UBE3C: variants seen among roughly 807,000 people sequenced by gnomAD.
UBE3C encodes ubiquitin-protein ligase E3C.
Under a neutral mutation model 129.4 loss-of-function variants are expected in UBE3C, and 42 were observed. The observed-to-expected ratio is 0.32, with a 90% CI of 0.25 to 0.42. UBE3C has a LOEUF of 0.42. Among genes scored for constraint, UBE3C ranks in the 10% least tolerant of loss-of-function variants. The pLI is 1.00. For missense variants in UBE3C, 1,049 were observed against 1,319.1 expected, an observed-to-expected ratio of 0.80 and a Z score of 3.17; for synonymous variants, 510 against 492.4, an observed-to-expected ratio of 1.04 and a Z score of -0.47.
At chr7:157,244,478 C>T (rs1008302677) in intron 18 of UBE3C, among the ~76,000 whole-genome samples, 4 of 152,120 alleles carry the variant, frequency 2.6e-5, no homozygotes, top group African/African-American at 7.2e-5. Context: ...TCTGCTTGCT[C>T]AGTTAGGATG....
intron 2 of UBE3C, among the ~76,000 whole-genome samples, chr7:157,168,200 A>C (rs1808269515): frequency 6.6e-6 from 1 of 151,824 alleles, no homozygotes; most frequent in Non-Finnish European, 1.5e-5. Context: ...ATATACAAAA[A>C]ATTAGCCAGG....
intron 14 of UBE3C, among the ~76,000 whole-genome samples, chr7:157,219,901 TA>T (rs60291484): frequency 0.13 from 17,704 of 137,416 alleles, 2,595 homozygotes; most frequent in African/African-American, 0.37. Context: ...AGACTCCATC[TA>T]AAAAAAAAAA....
At chr7:157,190,215 C>T (rs971822956) in intron 10 of UBE3C, among the ~76,000 whole-genome samples, 1 of 152,170 alleles carries the variant, frequency 6.6e-6, no homozygotes, top group Non-Finnish European at 1.5e-5. Flanking sequence ...TTCTGGAGCT[C>T]CAGACACAAG....
intron 1 of UBE3C, chr7:157,140,000 A>G (rs1384435483): frequency 2.0e-6 from 2 of 985,320 alleles, no homozygotes; most frequent in Non-Finnish European, 2.4e-6. Flanking sequence ...GTTGTGATCG[A>G]CATTAAGTTG....
intron 10 of UBE3C, chr7:157,197,786 T>C (rs1001331488): frequency 6.2e-7 from 1 of 1,613,226 alleles, no homozygotes; most frequent in Non-Finnish European, 8.5e-7. Context: ...TGAATCTTTG[T>C]ATCAAACGAC....
chr7:157,247,748 C>A (rs1418056717), intron 18 of UBE3C, among the ~76,000 whole-genome samples: 1 of 151,872 alleles, frequency 6.6e-6, no homozygotes, highest in East Asian at 1.9e-4. Context: ...ACATGAAACC[C>A]AAATTTGGAA....
In UBE3C at chr7:157,156,678, A is replaced by T. The variant is rs1008660754; in HGVS notation, c.67-7132A>T. 2.0e-5 allele frequency among the ~76,000 whole-genome samples: 3 copies of T among 150,882 alleles called. No homozygotes were observed. In the East Asian group the frequency reaches 5.8e-4, roughly 29 times the overall value. ...ATCCTGTCAGAGCTGTTCTCTACAT[A>T]CATAATCATATAGGTGTGTAAATTC... On this transcript the variant is annotated intron_variant, in intron 1 of 22. Transcript: ENST00000348165.
Position 157,189,270 on chromosome 7 carries a change from G to T in UBE3C, c.1331+2249G>T, listed in dbSNP as rs537501422. 1.3e-4 allele frequency: 34 copies of T among 270,298 alleles called. No individual in the cohort carries two copies. The East Asian group carries it at 2.0e-3, about 16-fold the overall frequency. The allele number at this position is 270,298 out of a possible 1,614,324, so 16.7% of individuals were successfully genotyped here. A position where few individuals can be genotyped will look rare whatever the true frequency, so the allele number is the denominator to read the frequency against. ...TGAATGACTTAATATTTTAAAATTG[G>T]TTAAGTAATAAATGAATTGCCAGCT... is the stretch of plus-strand genomic sequence containing the variant. On this transcript the variant is annotated intron_variant, in intron 10 of 22. Transcript: ENST00000348165.
At chr7:157,249,753 T>G (rs745762352) in intron 19 of UBE3C, among the ~76,000 whole-genome samples, 4 of 152,366 alleles carry the variant, frequency 2.6e-5, no homozygotes, top group South Asian at 2.1e-4. Flanking sequence ...GTTGTTCCTA[T>G]GTTTGGGCTA....
At position 157,220,708 on chromosome 7, in the gene UBE3C, C is replaced by A; in HGVS notation, c.1934C>A (p.Pro645Gln). 2 of 1,614,136 alleles carry A rather than the reference C, an allele frequency of 1.2e-6. No individual in the cohort carries two copies. Among genetic ancestry groups the A allele is most frequent in the Non-Finnish European group, 1.7e-6 (2 of 1,179,992 alleles). ...CGACAGGTCACTCAGCTCTATGTGCCAGCATCCAGACATGTGTGGAGGTTC... is the reference window on the plus strand; with the variant it reads ...CGACAGGTCACTCAGCTCTATGTGCAAGCATCCAGACATGTGTGGAGGTTC... ...KADKVTQLYV[P>Q]ASRHVWRFRR... The change falls in exon 15 of 23, where the codon CCA becomes CAA. Residue 645 changes from proline to glutamine, a missense_variant. Pro to Gln is a moderately conservative substitution (Grantham distance 76). This residue lies in a region of UBE3C where 314 missense variants were observed against 416.9 expected (regional missense o/e 0.75). Transcript: ENST00000348165.
intron 11 of UBE3C, among the ~76,000 whole-genome samples, chr7:157,203,936 G>T (rs1431329788): frequency 6.6e-6 from 1 of 152,162 alleles, no homozygotes; most frequent in African/African-American, 2.4e-5. Context: ...CCTAAAACGT[G>T]CTCAAAATAT....
intron 5 of UBE3C, among the ~76,000 whole-genome samples, chr7:157,176,110 T>C (rs1433019105): frequency 6.6e-6 from 1 of 152,174 alleles, no homozygotes; most frequent in East Asian, 1.9e-4. Flanking sequence ...TTTTGATACA[T>C]GATATATGTA....
At chr7:157,217,709 C>T (rs1408687901) in intron 14 of UBE3C, among the ~76,000 whole-genome samples, 2 of 152,036 alleles carry the variant, frequency 1.3e-5, no homozygotes. Flanking sequence ...TGGTGGCAGA[C>T]GCCTGTAATC....
intron 17 of UBE3C, among the ~76,000 whole-genome samples, chr7:157,230,851 G>T (rs1220937142): frequency 6.6e-6 from 1 of 152,148 alleles, no homozygotes; most frequent in African/African-American, 2.4e-5. Flanking sequence ...GAGAGTTTGT[G>T]GGGGCGGAGG....
intron 5 of UBE3C, among the ~76,000 whole-genome samples, chr7:157,177,008 C>G (rs1808536063): frequency 6.6e-6 from 1 of 152,184 alleles, no homozygotes; most frequent in Non-Finnish European, 1.5e-5. Flanking sequence ...CCTTTTATGA[C>G]TAATCACATA....
chr7:157,165,209 C>CTT (rs1258474295), intron 2 of UBE3C, among the ~76,000 whole-genome samples: 2 of 152,104 alleles, frequency 1.3e-5, no homozygotes, highest in Non-Finnish European at 2.9e-5. Context: ...TCCATTAGTG[C>CTT]TTTTGCTTCA....
chr7:157,201,845 C>G, intron 11 of UBE3C, 38 bp downstream of exon 11: 1 of 1,536,412 alleles, frequency 6.5e-7, no homozygotes, highest in Admixed American at 1.8e-5. Context: ...AGCTCAAGGG[C>G]ACAGGAAGTG....
intron 1 of UBE3C, among the ~76,000 whole-genome samples, chr7:157,148,299 C>T (rs371651989): frequency 8.5e-5 from 13 of 152,162 alleles, no homozygotes; most frequent in African/African-American, 2.2e-4. Flanking sequence ...GATGGGGTTT[C>T]GCCATGTTGT....
intron 4 of UBE3C, 143 bp downstream of exon 4, chr7:157,170,593 G>T (rs1808340251): frequency 1.2e-6 from 1 of 840,314 alleles, no homozygotes; most frequent in Non-Finnish European, 1.6e-6. Flanking sequence ...GCTGTGAGAG[G>T]TTACCTATGT....
Sources: allele counts gnomAD v4.1 joint callset (sites outside exome capture counted in the v4.1 genomes callset), GRCh38; gene constraint gnomAD v4.1.1; regional missense constraint gnomAD v4.1.1; transcripts MANE v1.5; gene names NCBI Gene and HGNC (gene_info 2026-07-23, HGNC 2026-07-21).